LRP5: variants seen among roughly 807,000 people sequenced by gnomAD.
LRP5 encodes the protein low-density lipoprotein receptor-related protein 5.
A neutral mutation model predicts 154.1 loss-of-function variants in LRP5; 62 were observed. The ratio of observed to expected loss-of-function variants is 0.40; its 90% CI spans 0.33 to 0.50. The LOEUF (loss-of-function observed/expected upper bound fraction) is 0.50, where lower values mean the gene tolerates loss of function less well. Ranked by LOEUF, LRP5 falls within the 20% of genes least tolerant of loss-of-function variation. LRP5 has a pLI of 0.55. For missense variants in LRP5, 1,915 were observed against 2,336.7 expected (o/e 0.82, Z 3.72); for synonymous variants, 966 against 1,011.5 (o/e 0.96, Z 0.85).
At chr11:68,421,641 G>T (rs561976151) in intron 13 of LRP5, among the ~76,000 whole-genome samples, 1 of 151,862 alleles carries the variant, frequency 6.6e-6, no homozygotes, top group Non-Finnish European at 1.5e-5. Context: ...ATGATCCTTC[G>T]TGTCCAGATG....
chr11:68,432,782 T>C (rs2098672676), intron 17 of LRP5, among the ~76,000 whole-genome samples: 1 of 152,218 alleles, frequency 6.6e-6, no homozygotes, highest in African/African-American at 2.4e-5. Flanking sequence ...CTGGCTTCTC[T>C]GTGCCAGTGC....
chr11:68,353,500 C>T lies in LRP5; in HGVS notation c.489-4150C>T, dbSNP rs1044936785. Among the ~76,000 whole-genome samples, 11 of 152,184 alleles carry T rather than the reference C, an allele frequency of 7.2e-5. No homozygotes were observed. Among genetic ancestry groups the T allele is most frequent in the African/African-American group, 1.7e-4 (7 of 41,434 alleles). ...AGCGCCCGCGGCAGCAACCCCTGCT[C>T]GCCAAATACTGACTTGAATAGTGGT... On this transcript the variant is annotated intron_variant, in intron 2 of 22. Coordinates refer to ENST00000294304, the MANE Select transcript of LRP5 (RefSeq NM_002335.4). The surrounding 1 kb of genome is among the most constrained non-coding windows in gnomAD (Gnocchi z 4.5).
At chr11:68,401,121 G>C (rs2098652407) in intron 7 of LRP5, among the ~76,000 whole-genome samples, 1 of 152,140 alleles carries the variant, frequency 6.6e-6, no homozygotes, top group South Asian at 2.1e-4. Flanking sequence ...CTTCTTCATT[G>C]TACGCCAGGG....
chr11:68,347,780 T>A (rs985580003), intron 1 of LRP5, 67 bp from the exon 2 acceptor site: 1 of 1,572,888 alleles, frequency 6.4e-7, no homozygotes, highest in Non-Finnish European at 8.7e-7. Flanking sequence ...GGCATAGTGC[T>A]CCATCCCAGG....
intron 2 of LRP5, among the ~76,000 whole-genome samples, chr11:68,350,845 C>T (rs548223794): frequency 1.4e-3 from 214 of 152,170 alleles, no homozygotes; most frequent in Middle Eastern, 6.8e-3. Context: ...GAGAGCCAGG[C>T]GTGTGTGTGT....
intron 8 of LRP5, 39 bp downstream of exon 8, chr11:68,403,738 A>T (rs751910969): frequency 1.2e-6 from 2 of 1,609,682 alleles, no homozygotes; most frequent in African/African-American, 2.7e-5. Context: ...TCAGCCATGC[A>T]GACTTGCATG....
At chr11:68,375,609 TCTTC>T (rs2098636923) in intron 5 of LRP5, among the ~76,000 whole-genome samples, 9 of 152,204 alleles carry the variant, frequency 5.9e-5, no homozygotes, top group Admixed American at 5.2e-4. Context: ...CTAGGGAGCT[TCTTC>T]CTCTTCCTGT....
intron 5 of LRP5, among the ~76,000 whole-genome samples, chr11:68,370,867 A>T (rs2153143326): frequency 6.6e-6 from 1 of 152,300 alleles, no homozygotes; most frequent in Admixed American, 6.5e-5. Context: ...TTGGTTCCAG[A>T]TGCCGTGTGT....
intron 2 of LRP5, among the ~76,000 whole-genome samples, chr11:68,348,602 C>T (rs2098615668): frequency 6.8e-6 from 1 of 147,608 alleles, no homozygotes; most frequent in Non-Finnish European, 1.5e-5. Flanking sequence ...TAAAATGAAC[C>T]CGTGGGGGGG....
At chr11:68,328,542 G>A (rs1002532593) in intron 1 of LRP5, among the ~76,000 whole-genome samples, 3 of 152,172 alleles carry the variant, frequency 2.0e-5, no homozygotes, top group African/African-American at 7.2e-5. Context: ...TGGGGGAGGG[G>A]CTGGGACGTC....
At chr11:68,343,820 C>T (rs2098610545) in intron 1 of LRP5, among the ~76,000 whole-genome samples, 1 of 152,178 alleles carries the variant, frequency 6.6e-6, no homozygotes, top group Non-Finnish European at 1.5e-5. Flanking sequence ...CTGCAGACCC[C>T]CTCGCGGCTG....
At chr11:68,316,048 T>A (rs1000521727) in intron 1 of LRP5, among the ~76,000 whole-genome samples, 1 of 152,118 alleles carries the variant, frequency 6.6e-6, no homozygotes, top group African/African-American at 2.4e-5. Flanking sequence ...TTATAAGAGA[T>A]TTCCATCACC....
At chr11:68,300,929 T>C in the LRP5 span, among the ~76,000 whole-genome samples, 3 of 149,098 alleles carry the variant, frequency 2.0e-5, 1 homozygote, top group Non-Finnish European at 3.0e-5. Context: ...TAATTTATTT[T>C]TTTTTTATTT....
Position 68,425,166 on chromosome 11 carries a change from A to G in LRP5, c.3301A>G (p.Thr1101Ala). ...AKIERAALDG[T>A]EREVLFTTGL... Reference sequence around the variant, plus strand: ...GATCGAACGCGCAGCCCTGGACGGCACCGAGCGCGAGGTCCTCTTCACCAC... The same window carrying G: ...GATCGAACGCGCAGCCCTGGACGGCGCCGAGCGCGAGGTCCTCTTCACCAC... The change falls in exon 15 of 23, where the codon ACC (threonine) becomes GCC (alanine). Residue 1101 changes from threonine to alanine, a missense_variant. By Grantham distance (58) the Thr-to-Ala change is moderately conservative. Coordinates refer to ENST00000294304, the MANE Select transcript of LRP5 (RefSeq NM_002335.4). The G allele has an allele frequency of 6.2e-7, 1 of 1,613,728 alleles. No individual in the cohort carries two copies. The highest frequency in any genetic ancestry group is 8.5e-7 in the Non-Finnish European group (1 of 1,179,980).
At chr11:68,444,007 T>C (rs2098680091) in intron 21 of LRP5, among the ~76,000 whole-genome samples, 1 of 152,070 alleles carries the variant, frequency 6.6e-6, no homozygotes, top group South Asian at 2.1e-4. Context: ...CGTTCACATC[T>C]TTAATTCTTC....
chr11:68,321,564 T>C (rs1461261702), intron 1 of LRP5, among the ~76,000 whole-genome samples: 1 of 152,016 alleles, frequency 6.6e-6, no homozygotes, highest in African/African-American at 2.4e-5. Flanking sequence ...GCCTTGACAT[T>C]TGTGGGTTTT....
Position 68,429,732 on chromosome 11 carries a change from A to T in LRP5, c.3763+32A>T, listed in dbSNP as rs759604292. ...GTGACCTAGGTGCTCCTTTGGGGTGATGGACAGGTACCTGATTCTCTGCCT... is the reference window on the plus strand; with the variant it reads ...GTGACCTAGGTGCTCCTTTGGGGTGTTGGACAGGTACCTGATTCTCTGCCT... On this transcript the variant is annotated intron_variant, in intron 17 of 22. Coordinates refer to ENST00000294304, the MANE Select transcript of LRP5 (RefSeq NM_002335.4). 6.2e-6 allele frequency: 10 copies of T among 1,613,492 alleles called. No individual in the cohort carries two copies. The East Asian group carries it at 2.2e-4, about 36-fold the overall frequency.
rs178352 is a variant in LRP5, at chr11:68,364,144, G to A, written c.883+201G>A. Among the ~76,000 whole-genome samples the A allele has an allele frequency of 0.3, 45,237 of 151,088 alleles. 8,136 individuals carry two copies. The highest frequency in any genetic ancestry group is 0.42 in the Admixed American group (6,458 of 15,206). On this transcript the variant is annotated intron_variant, in intron 4 of 22. Transcript: ENST00000294304. ...GGTACCTGCTGCAATGGAGGGAGGT[G>A]TGTGGCTGGCTGGGGGACACGGGCC...
rs566955546 is a variant in LRP5 at position 68,343,127 on chromosome 11, G to T, written c.92-4720G>T. ...ATCAGAGACACTGGGGCCAGCGTCT[G>T]CCTGGTGAGGTGCAGGCCTGGCAGG... On this transcript the variant is annotated intron_variant, in intron 1 of 22. Transcript: ENST00000294304. 2.8e-3 allele frequency among the ~76,000 whole-genome samples: 430 copies of T among 152,368 alleles called. 2 individuals carry two copies. Among genetic ancestry groups the T allele is most frequent in the Admixed American group, 5.3e-3 (81 of 15,310 alleles).
Sources: gnomAD v4.1 joint callset for allele counts (sites outside exome capture counted in the v4.1 genomes callset) on GRCh38, gnomAD v4.1.1 for gene constraint, Gnocchi (gnomAD v3.1) non-coding constraint, MANE v1.5 for transcripts, NCBI Gene and HGNC (gene_info 2026-07-23, HGNC 2026-07-21) for gene names.